ADGRL2: variants seen among roughly 807,000 people sequenced by gnomAD.
ADGRL2 encodes calcium-independent alpha-latrotoxin receptor 2.
A neutral mutation model predicts 157.4 loss-of-function variants in ADGRL2; 44 were observed. The ratio of observed to expected loss-of-function variants is 0.28; its 90% CI spans 0.22 to 0.36. The LOEUF (loss-of-function observed/expected upper bound fraction) is 0.36. Ranked by LOEUF, ADGRL2 falls within the 10% of genes least tolerant of loss-of-function variation. The pLI is 1.00. For synonymous variants in ADGRL2, 585 were observed against 624.7 expected, an observed-to-expected ratio of 0.94 and a Z score of 0.95; for missense variants, 1,510 against 1,768.9, an observed-to-expected ratio of 0.85 and a Z score of 2.63.
At chr1:81,822,778 TG>T (rs2091115072) in intron 1 of ADGRL2, among the ~76,000 whole-genome samples, 1 of 152,184 alleles carries the variant, frequency 6.6e-6, no homozygotes, top group Non-Finnish European at 1.5e-5. Context: ...AAATTGTTTT[TG>T]TAGATACTAT....
Position 81,990,534 on chromosome 1 carries a change from A to G in ADGRL2, c.3799A>G (p.Thr1267Ala). The change falls in exon 24 of 24, where the codon ACT becomes GCT. Residue 1267 changes from threonine to alanine, a missense_variant. Coordinates refer to ENST00000686636, the MANE Select transcript of ADGRL2 (RefSeq NM_001366006.2). ...GGACTGTGGACTAAGTCTGAATGATACTGCTTTTGAGAAAATGATCATTTC... is the reference window on the plus strand; with the variant it reads ...GGACTGTGGACTAAGTCTGAATGATGCTGCTTTTGAGAAAATGATCATTTC... ...VVDCGLSLND[T>A]AFEKMIISEL... 1 of 1,614,130 alleles carries G rather than the reference A, an allele frequency of 6.2e-7. No individual in the cohort carries two copies. The highest frequency in any genetic ancestry group is 8.5e-7 in the Non-Finnish European group (1 of 1,180,008).
rs140046965 is a variant in ADGRL2, at chr1:81,916,482, G to T, written c.287+9252G>T. 5.0e-3 allele frequency among the ~76,000 whole-genome samples: 751 copies of T among 151,634 alleles called. 2 individuals carry two copies. The highest frequency in any genetic ancestry group is 0.01 in the Middle Eastern group (3 of 290). On this transcript the variant is annotated intron_variant, in intron 3 of 23. Transcript: ENST00000686636. ...TGCTTGTAATTTGGCATTTTCTTCTGTTTTTTTTCTTTTTTTGACACCAAA... is the reference window on the plus strand; with the variant it reads ...TGCTTGTAATTTGGCATTTTCTTCTTTTTTTTTTCTTTTTTTGACACCAAA...
chr1:81,878,812 T>G (rs1229146747), intron 2 of ADGRL2, among the ~76,000 whole-genome samples: 1 of 152,168 alleles, frequency 6.6e-6, no homozygotes, highest in African/African-American at 2.4e-5. Flanking sequence ...GTTTATAGTC[T>G]TGTCTTGAAC....
In ADGRL2 at chr1:81,425,210, T is replaced by G. The variant is rs531381594; in HGVS notation, c.-301-19826T>G. 1.1e-4 allele frequency among the ~76,000 whole-genome samples: 17 copies of G among 152,330 alleles called. 1 individual carries two copies. The South Asian group carries it at 3.5e-3, about 32-fold the overall frequency. ...ATTTTAATCATTATTATTATTATAG[T>G]CAGTATATGTTGACCCTATCACATA... is the stretch of plus-strand genomic sequence containing the variant. On this transcript the variant is annotated intron_variant, in intron 1 of 24. Transcript: ENST00000370721.
Position 81,416,168 on chromosome 1 carries a change from G to A in ADGRL2, c.-301-28868G>A, listed in dbSNP as rs552699970. 1.8e-4 allele frequency among the ~76,000 whole-genome samples: 27 copies of A among 152,022 alleles called. No homozygotes were observed. In the South Asian group the frequency reaches 5.0e-3, roughly 28 times the overall value. ...CCTGGCCGGTCTCCTTTTCCTTATT[G>A]CTAAAACAGAAGTAATGTTACTTTC... On this transcript the variant is annotated intron_variant, in intron 1 of 24. Transcript: ENST00000370721.
At position 81,787,982 on chromosome 1, in the gene ADGRL2, G is replaced by A. The variant is rs774002390; in HGVS notation, c.-101+26130G>A. ...AGCTCAAACATTAAAATGTTTATAG[G>A]GGCCAGGAAGAAAAATAATGGGTGA... is the stretch of plus-strand genomic sequence containing the variant. On this transcript the variant is annotated intron_variant, in intron 2 of 20. Coordinates refer to the ADGRL2 transcript ENST00000359929. Among the ~76,000 whole-genome samples the A allele has an allele frequency of 5.3e-5, 8 of 151,880 alleles. 1 individual carries two copies. The highest frequency in any genetic ancestry group is 7.4e-5 in the Non-Finnish European group (5 of 67,988).
chr1:81,596,432 C>T, intron 3 of ADGRL2: 1 of 459,818 alleles, frequency 2.2e-6, no homozygotes, highest in South Asian at 1.8e-5. Flanking sequence ...CATTGCAGCT[C>T]GTTAGAGTGA....
intron 1 of ADGRL2, among the ~76,000 whole-genome samples, chr1:81,732,876 T>TA (rs1194455290): frequency 2.0e-5 from 3 of 151,964 alleles, no homozygotes; most frequent in South Asian, 4.1e-4. Context: ...CATTTAACTT[T>TA]AAAAAAAAGA....
chr1:81,933,494 T>G (rs2095264906), intron 3 of ADGRL2, among the ~76,000 whole-genome samples: 1 of 152,222 alleles, frequency 6.6e-6, no homozygotes, highest in Non-Finnish European at 1.5e-5. Context: ...CTTTCTTGGC[T>G]TAACTCTACC....
chr1:81,889,032 C>T lies in ADGRL2; in HGVS notation c.74-17985C>T, dbSNP rs185263390. 3.4e-4 allele frequency among the ~76,000 whole-genome samples: 51 copies of T among 152,230 alleles called. No homozygotes were observed. The East Asian group carries it at 9.3e-3, about 28-fold the overall frequency. On this transcript the variant is annotated intron_variant, in intron 2 of 23. Transcript: ENST00000686636. ...GGAATATTAGGTTTTCTGACTGCTCCACCAACTGGCCCTTCCCTGTCTCTC... is the reference window on the plus strand; with the variant it reads ...GGAATATTAGGTTTTCTGACTGCTCTACCAACTGGCCCTTCCCTGTCTCTC...
intron 1 of ADGRL2, among the ~76,000 whole-genome samples, chr1:81,415,509 T>A (rs1162212336): frequency 6.6e-6 from 1 of 152,112 alleles, no homozygotes; most frequent in Non-Finnish European, 1.5e-5. Context: ...AAAGATACGA[T>A]AAGAGGAAAG....
chr1:81,460,199 G>C (rs1412289389), intron 2 of ADGRL2, among the ~76,000 whole-genome samples: 4 of 151,490 alleles, frequency 2.6e-5, no homozygotes, highest in Non-Finnish European at 5.9e-5. Context: ...TTTTTAGTTT[G>C]ATGTCCTCCC....
At chr1:81,339,913 T>C (rs1661945853) in intron 1 of ADGRL2, among the ~76,000 whole-genome samples, 2 of 152,242 alleles carry the variant, frequency 1.3e-5, no homozygotes, top group African/African-American at 2.4e-5. Context: ...AGTTCTTACC[T>C]ACGTTTCTTT....
intron 2 of ADGRL2, among the ~76,000 whole-genome samples, chr1:81,519,092 G>T (rs12069619): frequency 0.026 from 3,955 of 152,274 alleles, 114 homozygotes; most frequent in African/African-American, 0.068. Flanking sequence ...GAGATTATGC[G>T]TATGTCCAAG....
chr1:81,410,157 G>T (rs1185419805), intron 1 of ADGRL2, among the ~76,000 whole-genome samples: 1 of 152,128 alleles, frequency 6.6e-6, no homozygotes, highest in Admixed American at 6.5e-5. Flanking sequence ...TTCATAAACA[G>T]ATATTTTTCT....
intron 2 of ADGRL2, among the ~76,000 whole-genome samples, chr1:81,887,511 T>C (rs1288306990): frequency 6.6e-6 from 1 of 152,194 alleles, no homozygotes; most frequent in Admixed American, 6.5e-5. Flanking sequence ...ATTAATTATA[T>C]GTTCATATCT....
chr1:81,426,505 G>T, intron 1 of ADGRL2: 1 of 403,274 alleles, frequency 2.5e-6, no homozygotes, highest in South Asian at 1.9e-5. Flanking sequence ...TTCCAGCTGT[G>T]ACCGTCACCG....
At chr1:81,774,634 T>A (rs1047826539) in intron 2 of ADGRL2, among the ~76,000 whole-genome samples, 4 of 152,204 alleles carry the variant, frequency 2.6e-5, no homozygotes, top group African/African-American at 9.6e-5. Context: ...TTATTAATAA[T>A]CATGTGACAG....
chr1:81,747,308 T>TATATA (rs200008464), intron 1 of ADGRL2, among the ~76,000 whole-genome samples: 1 of 116,568 alleles, frequency 8.6e-6, no homozygotes, highest in African/African-American at 2.9e-5. Context: ...TATATATATA[T>TATATA]TTTTTTTTTT....
Sources: gnomAD v4.1 joint callset for allele counts (sites outside exome capture counted in the v4.1 genomes callset) on GRCh38, gnomAD v4.1.1 for gene constraint, MANE v1.5 for transcripts, NCBI Gene and HGNC (gene_info 2026-07-23, HGNC 2026-07-21) for gene names.